The following RFX7 variants were observed in gnomAD, a reference collection of about 807,000 sequenced individuals.
The protein encoded by RFX7 is DNA-binding protein RFX7.
Under a neutral mutation model 111.8 loss-of-function variants are expected in RFX7, and 26 were observed. That is an observed-to-expected ratio of 0.23 (90% confidence interval 0.17 to 0.32). The LOEUF (loss-of-function observed/expected upper bound fraction) is 0.32, where lower values mean the gene tolerates loss of function less well. Ranked by LOEUF, RFX7 falls within the 10% of genes least tolerant of loss-of-function variation. RFX7 has a pLI of 1.00. For missense variants in RFX7, 1,573 were observed against 1,772.9 expected, an observed-to-expected ratio of 0.89 and a Z score of 2.02; for synonymous variants, 624 against 624.4, an observed-to-expected ratio of 1.00 and a Z score of 0.01.
At chr15:56,110,564 G>A (rs75947896) in intron 5 of RFX7, among the ~76,000 whole-genome samples, 1,837 of 7,076 alleles carry the variant, frequency 0.26, 628 homozygotes, top group Middle Eastern at 1. Context: ...CCCCCCGCCC[G>A]GCCAGCCACC....
Position 56,243,578 on chromosome 15 carries a change from C to T in RFX7, c.-136G>A, listed in dbSNP as rs2043745641. ...CCCCTCAGCCCCCCGCTGGCGCCGC[C>T]GCCTCCTCCCGTCAGCGGCCGGGGC... On this transcript the variant is annotated 5_prime_UTR_variant, in exon 1 of 10. Transcript: ENST00000559447. The T allele has an allele frequency of 1.2e-6, 1 of 835,852 alleles. No homozygotes were observed. The highest frequency in any genetic ancestry group is 1.3e-4 in the East Asian group (1 of 7,940). 51.8% of individuals were successfully genotyped at this position (835,852 alleles called of 1,614,324 possible). A position where few individuals can be genotyped will look rare whatever the true frequency, so the allele number is the denominator to read the frequency against.
intron 5 of RFX7, among the ~76,000 whole-genome samples, chr15:56,132,398 A>G (rs1022514636): frequency 1.3e-5 from 2 of 152,050 alleles, no homozygotes; most frequent in Admixed American, 6.5e-5. Context: ...AAGAAAATTG[A>G]GTCCAGAAGC....
At chr15:56,122,023 CTTATT>C (rs1567016538) in intron 5 of RFX7, among the ~76,000 whole-genome samples, 1 of 152,020 alleles carries the variant, frequency 6.6e-6, no homozygotes, top group Non-Finnish European at 1.5e-5. Context: ...TCCCTGGTGC[CTTATT>C]TAGTTCGTTT....
At chr15:56,104,607 T>C (rs1271096625) in intron 5 of RFX7, among the ~76,000 whole-genome samples, 1 of 152,216 alleles carries the variant, frequency 6.6e-6, no homozygotes, top group Non-Finnish European at 1.5e-5. Context: ...TTGGGTCTTT[T>C]TGTAGATTGC....
At chr15:56,111,283 T>C (rs1442006089) in intron 5 of RFX7, among the ~76,000 whole-genome samples, 1 of 151,382 alleles carries the variant, frequency 6.6e-6, no homozygotes, top group Non-Finnish European at 1.5e-5. Flanking sequence ...ATGGGAGACT[T>C]TTCATTTTGT....
At chr15:56,153,871 A>G (rs375615543) in intron 3 of RFX7, among the ~76,000 whole-genome samples, 7 of 152,238 alleles carry the variant, frequency 4.6e-5, no homozygotes, top group African/African-American at 1.7e-4. Context: ...TGCAGATGAC[A>G]TGATTGTATA....
At chr15:56,099,633 A>T (rs1258455937) in intron 8 of RFX7, among the ~76,000 whole-genome samples, 1 of 148,490 alleles carries the variant, frequency 6.7e-6, no homozygotes, top group Non-Finnish European at 1.5e-5. Context: ...CTATATTTAT[A>T]AAAAAAAAAA....
chr15:56,211,677 A>C (rs897655604), intron 2 of RFX7, among the ~76,000 whole-genome samples: 1 of 152,132 alleles, frequency 6.6e-6, no homozygotes, highest in Non-Finnish European at 1.5e-5. Flanking sequence ...CCCAAAATAC[A>C]GAAAGATTCT....
chr15:56,225,493 T>C (rs2043472746), intron 2 of RFX7, among the ~76,000 whole-genome samples: 2 of 152,166 alleles, frequency 1.3e-5, no homozygotes, highest in African/African-American at 4.8e-5. Context: ...GAGATTTTAT[T>C]CTATTATTTA....
At chr15:56,178,166 T>TACAC (rs140828561) in intron 3 of RFX7, among the ~76,000 whole-genome samples, 124 of 119,666 alleles carry the variant, frequency 1.0e-3, no homozygotes, top group South Asian at 6.1e-3. Context: ...ACCAAAAAAC[T>TACAC]ACACACACAC....
chr15:56,195,493 T>C (rs747318118), intron 2 of RFX7, among the ~76,000 whole-genome samples: 8 of 152,150 alleles, frequency 5.3e-5, no homozygotes, highest in Non-Finnish European at 1.2e-4. Flanking sequence ...TTGCAAACTA[T>C]CAATTCTGTT....
chr15:56,172,352 T>C (rs1482550492), intron 3 of RFX7, among the ~76,000 whole-genome samples: 1 of 152,222 alleles, frequency 6.6e-6, no homozygotes, highest in Non-Finnish European at 1.5e-5. Context: ...AGAGGAAAGG[T>C]TGTGGGTTTC....
intron 2 of RFX7, among the ~76,000 whole-genome samples, chr15:56,230,611 G>C (rs774887528): frequency 7.2e-5 from 11 of 152,108 alleles, no homozygotes; most frequent in Non-Finnish European, 1.5e-4. Context: ...AAAATAAAAA[G>C]ATGCAAAATT....
At chr15:56,242,427 G>T (rs1459774738) in intron 2 of RFX7, among the ~76,000 whole-genome samples, 3 of 151,916 alleles carry the variant, frequency 2.0e-5, no homozygotes, top group Non-Finnish European at 4.4e-5. Context: ...AATAGCGAAA[G>T]ATATTCCATC....
intron 2 of RFX7, among the ~76,000 whole-genome samples, chr15:56,215,957 T>G (rs2043359430): frequency 6.6e-6 from 1 of 152,146 alleles, no homozygotes; most frequent in African/African-American, 2.4e-5. Flanking sequence ...TCTGTGGGCT[T>G]CTTACCTCAT....
At chr15:56,200,417 A>T (rs1442173304) in intron 2 of RFX7, among the ~76,000 whole-genome samples, 1 of 152,190 alleles carries the variant, frequency 6.6e-6, no homozygotes, top group Non-Finnish European at 1.5e-5. Flanking sequence ...ACAGGGCAAG[A>T]TAACATCACT....
intron 5 of RFX7, among the ~76,000 whole-genome samples, chr15:56,113,579 A>C (rs1474293376): frequency 6.6e-6 from 1 of 152,106 alleles, no homozygotes; most frequent in African/African-American, 2.4e-5. Flanking sequence ...ACAGGTTGGT[A>C]GGTGCAGCAA....
intron 2 of RFX7, among the ~76,000 whole-genome samples, chr15:56,189,466 C>A (rs1309223607): frequency 2.0e-5 from 3 of 150,994 alleles, no homozygotes; most frequent in African/African-American, 2.4e-5. Flanking sequence ...AAAAAAAAAA[C>A]AACTACATAA....
chr15:56,221,012 C>G (rs1384658251), intron 2 of RFX7, among the ~76,000 whole-genome samples: 3 of 152,132 alleles, frequency 2.0e-5, no homozygotes, highest in Non-Finnish European at 4.4e-5. Context: ...TATGTCTTGA[C>G]TCTCTATTCT....
Sources: allele counts gnomAD v4.1 joint callset (sites outside exome capture counted in the v4.1 genomes callset), GRCh38; gene constraint gnomAD v4.1.1; transcripts MANE v1.5; gene names NCBI Gene and HGNC (gene_info 2026-07-23, HGNC 2026-07-21).